The following BRDT variants were observed in gnomAD, a reference collection of about 807,000 sequenced individuals.
The protein encoded by BRDT is bromodomain testis associated.
In BRDT, 77 loss-of-function variants were observed where a neutral mutation model predicts 113.9. That is an observed-to-expected ratio of 0.68 (90% confidence interval 0.56 to 0.82). BRDT has a LOEUF of 0.82. Among genes scored for constraint, BRDT ranks in the 40% least tolerant of loss-of-function variants. The probability of loss-of-function intolerance (pLI) is 0.00; values close to 1 mark genes in which losing one functional copy is unlikely to be tolerated. For synonymous variants in BRDT, 358 were observed against 366.5 expected (o/e 0.98, Z 0.26); for missense variants, 1,027 against 1,105.4 (o/e 0.93, Z 1.01).
intron 15 of BRDT, among the ~76,000 whole-genome samples, chr1:91,997,384 A>AT (rs1173880060): frequency 6.6e-5 from 10 of 152,142 alleles, no homozygotes; most frequent in Non-Finnish European, 1.3e-4. Flanking sequence ...AGGAAAATAG[A>AT]TTTTTTGGAG....
chr1:91,977,415 AG>A lies in BRDT; in HGVS notation c.969+23del, dbSNP rs771091747. The A allele has an allele frequency of 2.1e-5, 30 of 1,448,970 alleles. No homozygotes were observed. The African/African-American group carries it at 3.9e-4, about 19-fold the overall frequency. 89.8% of individuals were successfully genotyped at this position (1,448,970 alleles called of 1,614,324 possible). ...TAAGGTAAATGTTGCCTTAAAAGGA[AG>A]AACTTCTTTTTCTTGATTATAAAAG... On this transcript the variant is annotated intron_variant, in intron 6 of 18. Coordinates refer to ENST00000399546, the MANE Select transcript of BRDT (RefSeq NM_207189.4).
intron 4 of BRDT, among the ~76,000 whole-genome samples, chr1:91,972,911 C>T (rs927910157): frequency 9.2e-5 from 14 of 151,770 alleles, no homozygotes; most frequent in African/African-American, 3.4e-4. Flanking sequence ...ATTGAAGAGC[C>T]GGAAATAGCT....
At chr1:92,003,263 A>G (rs554058546) in intron 16 of BRDT, among the ~76,000 whole-genome samples, 29 of 152,204 alleles carry the variant, frequency 1.9e-4, no homozygotes, top group African/African-American at 6.7e-4. Context: ...CTAGTCATAC[A>G]TTTTCTTTTG....
chr1:91,977,274 C>T lies in BRDT; in HGVS notation c.850C>T (p.Leu284Phe). 2 of 1,613,954 alleles carry T rather than the reference C, an allele frequency of 1.2e-6. No homozygotes were observed. Among genetic ancestry groups the T allele is most frequent in the Non-Finnish European group, 1.7e-6 (2 of 1,179,914 alleles). Residue 284 changes from leucine to phenylalanine, a missense_variant, in exon 6 of 19, where the codon CTT (leucine) becomes TTT (phenylalanine). Leu to Phe is a conservative substitution (Grantham distance 22, BLOSUM62 0). Transcript: ENST00000399546. ...RHCSEILKEMLAKKHFSYAWP... is the reference protein window; with the variant it reads ...RHCSEILKEMFAKKHFSYAWP... ...CTGTAGTGAGATTCTTAAAGAAATG[C>T]TTGCAAAGAAACATTTTTCATATGC...
chr1:91,962,186 A>G (rs1451769962), intron 1 of BRDT, among the ~76,000 whole-genome samples: 1 of 131,232 alleles, frequency 7.6e-6, no homozygotes, highest in African/African-American at 2.8e-5. Flanking sequence ...AAAAAAAAAA[A>G]AAAAAATCCA....
At chr1:91,992,206 T>A (rs938818536) in intron 13 of BRDT, 58 bp from the exon 14 acceptor site, 1 of 956,694 alleles carries the variant, frequency 1.0e-6, no homozygotes, top group African/African-American at 1.7e-5. Flanking sequence ...AAAAGAAATA[T>A]AATCACATGG....
chr1:92,001,224 C>T (rs1467929521), intron 15 of BRDT, among the ~76,000 whole-genome samples: 1 of 152,198 alleles, frequency 6.6e-6, no homozygotes. Flanking sequence ...CTAGGCTGGG[C>T]GCGTAATACC....
intron 4 of BRDT, among the ~76,000 whole-genome samples, chr1:91,971,233 AC>A (rs1477732792): frequency 6.6e-6 from 1 of 151,520 alleles, no homozygotes; most frequent in Non-Finnish European, 1.5e-5. Context: ...TGACCCAAAC[AC>A]CTCCCACACC....
chr1:92,002,433 G>A (rs918427470), intron 16 of BRDT, among the ~76,000 whole-genome samples: 6 of 151,872 alleles, frequency 4.0e-5, no homozygotes, highest in African/African-American at 1.2e-4. Context: ...GCACGATCTC[G>A]GCTCACTGCA....
intron 17 of BRDT, 105 bp downstream of exon 17, chr1:92,004,724 G>C: frequency 9.8e-7 from 1 of 1,023,676 alleles, no homozygotes; most frequent in Non-Finnish European, 1.4e-6. Context: ...CTGTTTAGTA[G>C]AACACAGAGC....
chr1:91,992,868 G>A (rs1458722035), intron 14 of BRDT, among the ~76,000 whole-genome samples: 2 of 152,076 alleles, frequency 1.3e-5, no homozygotes, highest in African/African-American at 4.8e-5. Context: ...AGAAGTTATA[G>A]ATGGTCTGTC....
rs565963221 is a variant in BRDT at position 91,975,547 on chromosome 1, T to C, written c.446-719T>C. On this transcript the variant is annotated intron_variant, in intron 4 of 18. Transcript: ENST00000399546. ...TGCCTTGGGCCAGAGTGAATGCCACTTGTGAGAAGTGTTTGAAGTCTAGAT... is the reference window on the plus strand; with the variant it reads ...TGCCTTGGGCCAGAGTGAATGCCACCTGTGAGAAGTGTTTGAAGTCTAGAT... 1.1e-4 allele frequency among the ~76,000 whole-genome samples: 16 copies of C among 152,288 alleles called. No individual in the cohort carries two copies. In the East Asian group the frequency reaches 2.7e-3, roughly 26 times the overall value.
chr1:92,007,664 G>A (rs1010230777), intron 18 of BRDT, among the ~76,000 whole-genome samples: 4 of 151,980 alleles, frequency 2.6e-5, no homozygotes, highest in South Asian at 4.2e-4. Flanking sequence ...GGTTGCTTAC[G>A]GTTTACAATA....
chr1:92,003,656 A>G (rs1279141990), intron 16 of BRDT, among the ~76,000 whole-genome samples: 1 of 152,192 alleles, frequency 6.6e-6, no homozygotes, highest in Non-Finnish European at 1.5e-5. Flanking sequence ...ATTTTATGAA[A>G]TCTAATTATA....
chr1:91,988,745 C>T (rs908454065), intron 12 of BRDT, among the ~76,000 whole-genome samples: 3 of 152,014 alleles, frequency 2.0e-5, no homozygotes, highest in African/African-American at 7.2e-5. Context: ...GATAGAGCTT[C>T]TTCACTAATT....
chr1:91,951,252 T>C (rs1484898742), intron 1 of BRDT, among the ~76,000 whole-genome samples: 2 of 152,174 alleles, frequency 1.3e-5, no homozygotes, highest in African/African-American at 4.8e-5. Context: ...GGGGTTTGTA[T>C]AGCATGAAGG....
intron 12 of BRDT, among the ~76,000 whole-genome samples, chr1:91,986,506 A>C (rs915176840): frequency 6.6e-6 from 1 of 152,234 alleles, no homozygotes; most frequent in Non-Finnish European, 1.5e-5. Flanking sequence ...TGGTCATGAC[A>C]TCAGTTCACT....
At chr1:91,986,241 C>T (rs1453763977) in intron 12 of BRDT, among the ~76,000 whole-genome samples, 1 of 151,980 alleles carries the variant, frequency 6.6e-6, no homozygotes, top group Admixed American at 6.6e-5. Context: ...TTCTAATGCT[C>T]AACAATCTTG....
rs1257317394 is a variant in BRDT, at chr1:91,981,152, TAAGA to T, written c.1729_1732del (p.Lys577AspfsTer3). On this transcript the variant is annotated frameshift_variant, in exon 10 of 19. Coordinates refer to ENST00000399546, the MANE Select transcript of BRDT (RefSeq NM_207189.4). LOFTEE classifies it high-confidence loss of function. ...TTAGAAAAATATGTTTCGGCATGTC[TAAGA>T]AAGAGACCATTAAAACCTCCTGGTA... The T allele has an allele frequency of 6.2e-7, 1 of 1,611,234 alleles. No individual in the cohort carries two copies. Among genetic ancestry groups the T allele is most frequent in the South Asian group, 1.1e-5 (1 of 90,278 alleles).
Sources: gnomAD v4.1 joint callset for allele counts (sites outside exome capture counted in the v4.1 genomes callset) on GRCh38, gnomAD v4.1.1 for gene constraint, MANE v1.5 for transcripts, NCBI Gene and HGNC (gene_info 2026-07-23, HGNC 2026-07-21) for gene names.